Variants in RGS12 observed in about 807,000 individuals in gnomAD.
RGS12 encodes regulator of G protein signaling 12.
A neutral mutation model predicts 120.1 loss-of-function variants in RGS12; 66 were observed. That is an observed-to-expected ratio of 0.55 (90% CI 0.45 to 0.67). The LOEUF (loss-of-function observed/expected upper bound fraction) is 0.67, where lower values mean the gene tolerates loss of function less well. Ranked by LOEUF, RGS12 falls within the 30% of genes least tolerant of loss-of-function variation. RGS12 has a pLI of 0.00. For synonymous variants in RGS12, 827 were observed against 804.7 expected (o/e 1.03, Z -0.47); for missense variants, 1,859 against 1,957.7 (o/e 0.95, Z 0.95).
chr4:3,317,053 C>A lies in RGS12; in HGVS notation c.883C>A (p.Pro295Thr). Residue 295 changes from proline to threonine, a missense_variant, in exon 2 of 18, where the codon CCG becomes ACG. Physicochemically the swap from Pro to Thr is conservative, Grantham distance 38 (BLOSUM62 -1). This residue lies in a region of RGS12 where 967 missense variants were observed against 994.2 expected (regional missense o/e 0.97). Transcript: ENST00000336727. ...CAAGGCTGGAGTCGTGGCCGAGTAC[C>A]CGGCCGAGAAGCTGGCCTTCAGCGC... ...TDKAGVVAEY[P>T]AEKLAFSAVC... is the part of the protein sequence containing the mutation. 1.2e-6 allele frequency: 2 copies of A among 1,613,636 alleles called. No homozygotes were observed. Among genetic ancestry groups the A allele is most frequent in the African/African-American group, 1.3e-5 (1 of 75,074 alleles).
At chr4:3,294,535 A>T (rs1351390426) in intron 1 of RGS12, among the ~76,000 whole-genome samples, 1 of 152,196 alleles carries the variant, frequency 6.6e-6, no homozygotes, top group Admixed American at 6.5e-5. Context: ...TGGGGACTTG[A>T]GATGATGGGT....
intron 3 of RGS12, among the ~76,000 whole-genome samples, chr4:3,351,727 C>T (rs1714375652): frequency 6.6e-6 from 1 of 152,094 alleles, no homozygotes. Flanking sequence ...TGCGTTTTTC[C>T]TGATGTAGTT....
At chr4:3,321,920 T>C (rs1725227243) in intron 2 of RGS12, among the ~76,000 whole-genome samples, 2 of 152,390 alleles carry the variant, frequency 1.3e-5, no homozygotes, top group Middle Eastern at 6.8e-3. Flanking sequence ...TTAATCTGTA[T>C]GCAAAATAAG....
At chr4:3,351,364 G>T (rs545057856) in intron 3 of RGS12, among the ~76,000 whole-genome samples, 2 of 152,058 alleles carry the variant, frequency 1.3e-5, no homozygotes, top group South Asian at 4.1e-4. Context: ...TAACCTGTTT[G>T]ATCTGACAGC....
intron 2 of RGS12, 67 bp downstream of exon 2, chr4:3,318,118 A>AC: frequency 7.9e-7 from 1 of 1,268,792 alleles, no homozygotes. Context: ...CGGGGAGGTG[A>AC]CTCCCAGTCA....
intron 3 of RGS12, among the ~76,000 whole-genome samples, chr4:3,383,529 C>G (rs1352347514): frequency 6.6e-6 from 1 of 151,992 alleles, no homozygotes; most frequent in Non-Finnish European, 1.5e-5. Flanking sequence ...TTGCTCAAAC[C>G]CAGGAGGATT....
intron 5 of RGS12, 120 bp downstream of exon 5, chr4:3,414,361 C>A: frequency 1.7e-6 from 2 of 1,155,888 alleles, no homozygotes; most frequent in Non-Finnish European, 2.4e-6. Flanking sequence ...AGCCCCGTGG[C>A]AGGGGTCTCC....
Position 3,389,826 on chromosome 4 carries a change from G to T in RGS12, c.2020+3389G>T. On this transcript the variant is annotated intron_variant, in intron 4 of 17. Coordinates refer to ENST00000336727, the MANE Select transcript of RGS12 (RefSeq NM_001394154.1). The surrounding 1 kb of genome is among the most constrained non-coding windows in gnomAD (Gnocchi z 5.2). ...CATGACACCCCACATACATGACCCCGGTGCTCCAGCTGCTTCTCAAACACT... is the reference window on the plus strand; with the variant it reads ...CATGACACCCCACATACATGACCCCTGTGCTCCAGCTGCTTCTCAAACACT... 6.6e-6 allele frequency among the ~76,000 whole-genome samples: 1 copy of T among 152,076 alleles called. No individual in the cohort carries two copies. The highest frequency in any genetic ancestry group is 1.9e-4 in the East Asian group (1 of 5,186).
At chr4:3,288,292 A>AG, upstream of RGS12, among the ~76,000 whole-genome samples, 1 of 151,938 alleles carries the variant, frequency 6.6e-6, no homozygotes, top group East Asian at 1.9e-4. The surrounding 1 kb of genome is among the most constrained non-coding windows in gnomAD (Gnocchi z 5.2). Flanking sequence ...CCCTGACAGG[A>AG]GGGGGGCAGC....
At chr4:3,291,723 ATC>A (rs1163849544), upstream of RGS12, among the ~76,000 whole-genome samples, 2 of 151,894 alleles carry the variant, frequency 1.3e-5, no homozygotes, top group Admixed American at 6.6e-5. Context: ...CCTGTTAAGT[ATC>A]TCTCTCTCTT....
chr4:3,435,718 A>G (rs1352541299), intron 17 of RGS12, among the ~76,000 whole-genome samples: 5 of 151,978 alleles, frequency 3.3e-5, no homozygotes, highest in Non-Finnish European at 7.4e-5. Context: ...GGATCCCACC[A>G]GAAGCCACCC....
intron 1 of RGS12, among the ~76,000 whole-genome samples, chr4:3,315,678 GTGGGTT>G (rs1461351399): frequency 6.6e-6 from 1 of 152,220 alleles, no homozygotes; most frequent in African/African-American, 2.4e-5. Flanking sequence ...CCTGTGAAAC[GTGGGTT>G]TGGGTGTGTT....
At chr4:3,371,201 AC>A (rs1386366255) in intron 3 of RGS12, among the ~76,000 whole-genome samples, 1 of 152,212 alleles carries the variant, frequency 6.6e-6, no homozygotes, top group East Asian at 1.9e-4. Flanking sequence ...CTTTCTGTGC[AC>A]GTGGAAAGCT....
chr4:3,301,109 G>T (rs1723661694), intron 1 of RGS12, among the ~76,000 whole-genome samples: 2 of 151,536 alleles, frequency 1.3e-5, no homozygotes, highest in African/African-American at 4.8e-5. Flanking sequence ...GCCCTCCTCT[G>T]TAACACGGGG....
intron 2 of RGS12, among the ~76,000 whole-genome samples, chr4:3,333,530 A>G (rs1712105302): frequency 6.6e-6 from 1 of 152,226 alleles, no homozygotes; most frequent in Admixed American, 6.5e-5. Flanking sequence ...ATGTTTATGA[A>G]AAGAATCAGG....
At chr4:3,354,806 T>A (rs533452009) in intron 3 of RGS12, among the ~76,000 whole-genome samples, 3 of 152,120 alleles carry the variant, frequency 2.0e-5, no homozygotes, top group African/African-American at 7.2e-5. Flanking sequence ...TAGAATGTCA[T>A]CTCAAGAAGT....
Position 3,423,561 on chromosome 4 carries a change from C to T in RGS12, c.3154C>T (p.Pro1052Ser), listed in dbSNP as rs1282293549. 5 of 1,612,860 alleles carry T rather than the reference C, an allele frequency of 3.1e-6. No homozygotes were observed. Among genetic ancestry groups the T allele is most frequent in the Non-Finnish European group, 3.4e-6 (4 of 1,179,954 alleles). ...INRSVGLKAK[P>S]TKPVTEVLRP... The stretch of plus-strand genomic sequence containing the variant: ...CCGGTCAGTGGGACTCAAGGCCAAG[C>T]CCACCAAGCCCGTCACGGAGGTGCT... Residue 1052 changes from proline to serine, a missense_variant, in exon 13 of 18, where the codon CCC (proline) becomes TCC (serine). Transcript: ENST00000336727.
chr4:3,411,776 G>T (rs1297118862), intron 4 of RGS12, among the ~76,000 whole-genome samples: 1 of 152,288 alleles, frequency 6.6e-6, no homozygotes, highest in Non-Finnish European at 1.5e-5. Context: ...ATGGGGGGGA[G>T]TCTTGGATGT....
chr4:3,431,908 G>C (rs1724346334), intron 17 of RGS12: 1 of 985,394 alleles, frequency 1.0e-6, no homozygotes, highest in African/African-American at 1.7e-5. Flanking sequence ...CTCGCCGGGG[G>C]ACCAGGGAGT....
Sources: allele counts gnomAD v4.1 joint callset (sites outside exome capture counted in the v4.1 genomes callset), GRCh38; gene constraint gnomAD v4.1.1; regional missense constraint gnomAD v4.1.1; non-coding constraint Gnocchi (gnomAD v3.1); transcripts MANE v1.5; gene names NCBI Gene and HGNC (gene_info 2026-07-23, HGNC 2026-07-21).